The following NAV3 variants were observed in gnomAD, a reference collection of about 807,000 sequenced individuals.
NAV3 encodes the protein pore membrane and/or filament interacting like protein 1.
A neutral mutation model predicts 244.7 loss-of-function variants in NAV3; 87 were observed. That is an observed-to-expected ratio of 0.36 (90% CI 0.30 to 0.42). NAV3 has a LOEUF of 0.42. Ranked by LOEUF, NAV3 falls within the 20% of genes least tolerant of loss-of-function variation. The pLI, the probability that NAV3 is intolerant of heterozygous loss-of-function variation, is 1.00. For synonymous variants in NAV3, 1,126 were observed against 1,042.2 expected, an observed-to-expected ratio of 1.08 and a Z score of -1.55; for missense variants, 2,663 against 2,893.3, an observed-to-expected ratio of 0.92 and a Z score of 1.83.
intron 2 of NAV3, among the ~76,000 whole-genome samples, chr12:77,757,222 G>T (rs1869226546): frequency 6.6e-6 from 1 of 152,164 alleles, no homozygotes; most frequent in South Asian, 2.1e-4. Flanking sequence ...CTTCTGCTCA[G>T]GGGAGGCACA....
intron 2 of NAV3, among the ~76,000 whole-genome samples, chr12:77,713,832 G>A (rs1279773505): frequency 6.6e-6 from 1 of 151,852 alleles, no homozygotes; most frequent in Non-Finnish European, 1.5e-5. Flanking sequence ...ACACTTACCA[G>A]TTTCTTGGTT....
At chr12:77,914,916 A>C (rs1886976456) in intron 1 of NAV3, among the ~76,000 whole-genome samples, 1 of 151,736 alleles carries the variant, frequency 6.6e-6, no homozygotes, top group African/African-American at 2.4e-5. Context: ...TATTTACAAA[A>C]TCAGTTATTT....
At chr12:77,895,044 G>A (rs1884415043) in intron 1 of NAV3, among the ~76,000 whole-genome samples, 1 of 151,868 alleles carries the variant, frequency 6.6e-6, no homozygotes, top group Non-Finnish European at 1.5e-5. Flanking sequence ...TAAAATATTA[G>A]TAACTTAAAG....
intron 3 of NAV3, among the ~76,000 whole-genome samples, chr12:77,955,981 C>G (rs144205863): frequency 2.2e-3 from 336 of 152,270 alleles, no homozygotes; most frequent in African/African-American, 7.4e-3. Context: ...AATTACCTCC[C>G]TTGCCTGTAA....
chr12:78,103,881 G>A (rs1432459071), intron 12 of NAV3, among the ~76,000 whole-genome samples: 2 of 152,206 alleles, frequency 1.3e-5, no homozygotes, highest in Non-Finnish European at 2.9e-5. Context: ...AATTCAAGAT[G>A]AGATTTGGGT....
At chr12:77,640,237 A>C (rs1198969146) in intron 2 of NAV3, among the ~76,000 whole-genome samples, 1 of 152,168 alleles carries the variant, frequency 6.6e-6, no homozygotes, top group Non-Finnish European at 1.5e-5. Flanking sequence ...AGAGACATAC[A>C]GCAGAGAGAG....
At chr12:77,818,927 C>T (rs376278474) in intron 2 of NAV3, among the ~76,000 whole-genome samples, 56 of 151,978 alleles carry the variant, frequency 3.7e-4, no homozygotes, top group African/African-American at 1.1e-3. Context: ...GCTCATTTCC[C>T]GGATTGTATA....
intron 9 of NAV3, among the ~76,000 whole-genome samples, chr12:78,028,211 T>A (rs1324977439): frequency 3.3e-5 from 5 of 152,186 alleles, no homozygotes; most frequent in Non-Finnish European, 7.3e-5. Context: ...AGTGGATCCA[T>A]CAGTGTCACG....
intron 10 of NAV3, 149 bp downstream of exon 10, chr12:78,050,250 C>A: frequency 1.5e-6 from 1 of 666,674 alleles, no homozygotes; most frequent in South Asian, 1.8e-5. Context: ...TGGTAATTAT[C>A]CTTAAACTGA....
intron 9 of NAV3, among the ~76,000 whole-genome samples, chr12:78,032,016 G>A (rs1286112685): frequency 6.6e-6 from 1 of 152,032 alleles, no homozygotes; most frequent in Admixed American, 6.6e-5. Context: ...AGAGGAAACA[G>A]AACCTAAATC....
At chr12:77,836,716 A>G (rs1462264604) in intron 1 of NAV3, among the ~76,000 whole-genome samples, 1 of 152,194 alleles carries the variant, frequency 6.6e-6, no homozygotes, top group Non-Finnish European at 1.5e-5. Context: ...GGTTTACCCT[A>G]TCATCCAAAT....
At chr12:77,925,540 G>A (rs1007985805) in intron 1 of NAV3, among the ~76,000 whole-genome samples, 2 of 31,654 alleles carry the variant, frequency 6.3e-5, no homozygotes, top group African/African-American at 8.5e-5. Flanking sequence ...ATGAAAAGGC[G>A]GGGGGAGGTT....
rs2136814039 is a variant in NAV3 at position 78,021,748 on chromosome 12, G to A, written c.1909G>A (p.Ala637Thr). ...TATVAPFIYR[A>T]HSENEGTALP... ...TTCTATTTTCATGGTTAATTTCAGGGCACATTCAGAAAATGAAGGTACCGC... is the reference window on the plus strand; with the variant it reads ...TTCTATTTTCATGGTTAATTTCAGGACACATTCAGAAAATGAAGGTACCGC... The change falls in exon 9 of 40, where the codon GCA becomes ACA. Residue 637 changes from alanine (A) to threonine (T), a missense_variant and splice_region_variant. By Grantham distance (58) the Ala-to-Thr change is moderately conservative. Transcript: ENST00000397909. The A allele has an allele frequency of 6.2e-7, 1 of 1,604,130 alleles. No homozygotes were observed.
chr12:78,029,486 T>A (rs1252587385), intron 9 of NAV3, among the ~76,000 whole-genome samples: 1 of 152,082 alleles, frequency 6.6e-6, no homozygotes, highest in East Asian at 1.9e-4. Flanking sequence ...ATCAGAGAGA[T>A]TTCTAAGACA....
intron 2 of NAV3, among the ~76,000 whole-genome samples, chr12:77,794,075 G>A (rs1033472594): frequency 5.3e-5 from 8 of 152,150 alleles, no homozygotes; most frequent in Non-Finnish European, 1.0e-4. Context: ...AATGACCAGT[G>A]ATGATGAGCT....
chr12:77,714,622 G>A (rs1234398236), intron 2 of NAV3, among the ~76,000 whole-genome samples: 16 of 152,082 alleles, frequency 1.1e-4, no homozygotes, highest in East Asian at 1.9e-4. Context: ...TTGTTAAAAT[G>A]TATTAGACTT....
intron 4 of NAV3, 42 bp downstream of exon 4, chr12:77,966,343 G>A: frequency 6.7e-7 from 1 of 1,491,356 alleles, no homozygotes; most frequent in Non-Finnish European, 9.2e-7. Context: ...TGGCATCAAT[G>A]TTTTTAAATT....
At chr12:77,635,421 G>A (rs905436521) in intron 2 of NAV3, among the ~76,000 whole-genome samples, 2 of 152,258 alleles carry the variant, frequency 1.3e-5, no homozygotes, top group East Asian at 1.9e-4. Flanking sequence ...TTTTATGTAA[G>A]ATGAGAAATG....
In NAV3 at chr12:77,658,981, C is replaced by T. The variant is rs1338175615; in HGVS notation, c.72+86715C>T. ...ATTCAAGATGGATTAAAGACTTAAA[C>T]GTTAGACCTAAAACCATAAAAACCC... On this transcript the variant is annotated intron_variant, in intron 2 of 8. Coordinates refer to the NAV3 transcript ENST00000550042. Among the ~76,000 whole-genome samples the T allele has an allele frequency of 5.3e-5, 8 of 152,076 alleles. 1 individual carries two copies. The highest frequency in any genetic ancestry group is 4.1e-4 in the South Asian group (2 of 4,824).
Sources: allele counts gnomAD v4.1 joint callset (sites outside exome capture counted in the v4.1 genomes callset), GRCh38; gene constraint gnomAD v4.1.1; transcripts MANE v1.5; gene names NCBI Gene and HGNC (gene_info 2026-07-23, HGNC 2026-07-21).